The following UBP1 variants were observed in gnomAD, a reference collection of about 807,000 sequenced individuals.
UBP1 encodes the protein upstream-binding protein 1.
In UBP1, 22 loss-of-function variants were observed where a neutral mutation model predicts 76.1. The observed-to-expected ratio is 0.29, with a 90% CI of 0.21 to 0.41. The LOEUF (loss-of-function observed/expected upper bound fraction) is 0.41. Ranked by LOEUF, UBP1 falls within the 10% of genes least tolerant of loss-of-function variation. UBP1 has a pLI of 1.00. For synonymous variants in UBP1, 224 were observed against 237.1 expected (o/e 0.94, Z 0.51); for missense variants, 436 against 668.1 (o/e 0.65, Z 3.83).
In UBP1 at chr3:33,400,993, T is replaced by C; in HGVS notation, c.1055A>G (p.Gln352Arg). The change falls in exon 10 of 16, where the codon CAG becomes CGG. Residue 352 changes from glutamine (Q) to arginine (R), a missense_variant. This residue lies in a region of UBP1 where 210 missense variants were observed against 272.8 expected (regional missense o/e 0.77). Transcript: ENST00000283629. The stretch of plus-strand genomic sequence containing the variant: ...AGAGGTCTGTGAAGCTCCATCTCCC[T>C]GATGATTTGGGGAAGAAGAATTGCT... ...PDSNSSSPNHQGDGASQTSGE... is the reference protein window; with the variant it reads ...PDSNSSSPNHRGDGASQTSGE... The C allele has an allele frequency of 6.3e-7, 1 of 1,593,700 alleles. No individual in the cohort carries two copies. The highest frequency in any genetic ancestry group is 1.4e-5 in the African/African-American group (1 of 73,538).
intron 1 of UBP1, among the ~76,000 whole-genome samples, chr3:33,430,102 A>G (rs1444114601): frequency 6.6e-6 from 1 of 152,228 alleles, no homozygotes; most frequent in African/African-American, 2.4e-5. Context: ...AGGGGGGAAA[A>G]AAGTTGTCAG....
At chr3:33,438,853 C>T (rs150333267) in intron 1 of UBP1, among the ~76,000 whole-genome samples, 60 of 152,284 alleles carry the variant, frequency 3.9e-4, no homozygotes, top group African/African-American at 1.4e-3. Flanking sequence ...ACTTCCAAAA[C>T]ATCAGACATT....
At chr3:33,427,968 ATC>A in intron 1 of UBP1, among the ~76,000 whole-genome samples, 1 of 152,264 alleles carries the variant, frequency 6.6e-6, no homozygotes, top group East Asian at 1.9e-4. Flanking sequence ...GAGGTGGGTG[ATC>A]ACCTGAGGTC....
intron 3 of UBP1, 100 bp downstream of exon 3, chr3:33,416,658 T>C (rs1559684324): frequency 3.3e-6 from 3 of 909,270 alleles, no homozygotes; most frequent in Non-Finnish European, 3.3e-6. Flanking sequence ...GTTAAAAAGT[T>C]GTAATACAAC....
chr3:33,437,205 A>T (rs2045217846), intron 1 of UBP1, among the ~76,000 whole-genome samples: 1 of 152,042 alleles, frequency 6.6e-6, no homozygotes, highest in East Asian at 1.9e-4. Flanking sequence ...TTACCAGCCT[A>T]CATTATTTTA....
intron 8 of UBP1, among the ~76,000 whole-genome samples, chr3:33,405,221 T>TTC (rs2044385857): frequency 6.6e-6 from 1 of 152,108 alleles, no homozygotes; most frequent in Non-Finnish European, 1.5e-5. Context: ...GGCATAAAAC[T>TTC]ATGTCATATT....
At chr3:33,424,671 T>G (rs184252023) in intron 2 of UBP1, among the ~76,000 whole-genome samples, 150 of 152,364 alleles carry the variant, frequency 9.8e-4, no homozygotes, top group African/African-American at 3.6e-3. Context: ...AATTAATTCC[T>G]GCATTCAAAA....
Position 33,425,634 on chromosome 3 carries a change from G to A in UBP1, c.221C>T (p.Pro74Leu). Residue 74 changes from proline (P) to leucine (L), a missense_variant, in exon 2 of 16, where the codon CCA (proline) becomes CTA (leucine). Transcript: ENST00000283629. ...CGTTTCATCATGCAGTTTTACTGCT[G>A]GTGACGTTGCAGCACACATCACATA... ...FQYVMCAATS[P>L]AVKLHDETLT... is the part of the protein sequence containing the mutation. 6.3e-7 allele frequency: 1 copy of A among 1,586,854 alleles called. No individual in the cohort carries two copies. The highest frequency in any genetic ancestry group is 8.6e-7 in the Non-Finnish European group (1 of 1,159,690).
chr3:33,397,069 C>T lies in UBP1; in HGVS notation c.1247G>A (p.Arg416Gln). 2 of 1,601,780 alleles carry T rather than the reference C, an allele frequency of 1.2e-6. No individual in the cohort carries two copies. Among genetic ancestry groups the T allele is most frequent in the East Asian group, 2.2e-5 (1 of 44,670 alleles). The part of the protein sequence containing the change: ...VQICGAADGI[R>Q]LYNSLKSRSV... Reference sequence around the variant, plus strand: ...CCTTGACTTCAGTGAATTATAGAGCCGAATTCCATCGGCTGCACCACAAAT... The same window carrying T: ...CCTTGACTTCAGTGAATTATAGAGCTGAATTCCATCGGCTGCACCACAAAT... The change falls in exon 12 of 16, where the codon CGG becomes CAG. Residue 416 changes from arginine (R) to glutamine (Q), a missense_variant. Around this residue, in one of 3 missense-constraint regions of UBP1, gnomAD observed 210 missense variants for 272.8 expected, o/e 0.77. Transcript: ENST00000283629.
intron 7 of UBP1, 61 bp from the exon 8 acceptor site, chr3:33,408,858 C>A: frequency 7.2e-7 from 1 of 1,392,438 alleles, no homozygotes. Context: ...AGATCTAACA[C>A]CCTGTTTCAT....
chr3:33,399,761 C>T (rs565888171), intron 11 of UBP1, among the ~76,000 whole-genome samples: 1 of 152,166 alleles, frequency 6.6e-6, no homozygotes, highest in Non-Finnish European at 1.5e-5. Flanking sequence ...TATACCATAA[C>T]ATACGTTGTG....
chr3:33,438,490 T>C (rs1357540), intron 1 of UBP1, among the ~76,000 whole-genome samples: 39,297 of 152,088 alleles, frequency 0.26, 5,990 homozygotes, highest in East Asian at 0.47. Context: ...GTAGCTCAAT[T>C]TCCTCAACAA....
At chr3:33,436,189 C>G (rs2045202281) in intron 1 of UBP1, among the ~76,000 whole-genome samples, 1 of 152,156 alleles carries the variant, frequency 6.6e-6, no homozygotes, top group African/African-American at 2.4e-5. Context: ...GATGTTTTGA[C>G]ATATATACAC....
chr3:33,427,265 T>C (rs1456590055), intron 1 of UBP1, among the ~76,000 whole-genome samples: 2 of 152,246 alleles, frequency 1.3e-5, no homozygotes, highest in Admixed American at 6.5e-5. Context: ...ACGCCCCGCC[T>C]CTGTTTAACT....
intron 11 of UBP1, among the ~76,000 whole-genome samples, chr3:33,398,845 G>A (rs758805506): frequency 1.6e-4 from 25 of 152,144 alleles, no homozygotes; most frequent in Non-Finnish European, 2.2e-4. Context: ...ATACAACAGT[G>A]CAAGACAAAC....
At chr3:33,405,636 G>A (rs1464484629) in intron 8 of UBP1, among the ~76,000 whole-genome samples, 1 of 152,146 alleles carries the variant, frequency 6.6e-6, no homozygotes, top group Non-Finnish European at 1.5e-5. Context: ...GGATCAGCCT[G>A]AGGAACACAG....
chr3:33,428,643 T>C (rs2045061127), intron 1 of UBP1, among the ~76,000 whole-genome samples: 3 of 152,150 alleles, frequency 2.0e-5, no homozygotes, highest in Non-Finnish European at 4.4e-5. Flanking sequence ...AAAGATTATT[T>C]GCTATTGAAT....
intron 1 of UBP1, among the ~76,000 whole-genome samples, chr3:33,435,259 C>T (rs2045186737): frequency 6.6e-6 from 1 of 152,038 alleles, no homozygotes; most frequent in African/African-American, 2.4e-5. Context: ...GAAATTGCTT[C>T]ATGAAAAGAT....
At chr3:33,407,533 G>A (rs2044459730) in intron 8 of UBP1, among the ~76,000 whole-genome samples, 1 of 145,654 alleles carries the variant, frequency 6.9e-6, no homozygotes, top group Non-Finnish European at 1.5e-5. Context: ...AACAATCTTT[G>A]ATTCGAATTT....
Sources: allele counts gnomAD v4.1 joint callset (sites outside exome capture counted in the v4.1 genomes callset), GRCh38; gene constraint gnomAD v4.1.1; regional missense constraint gnomAD v4.1.1; transcripts MANE v1.5; gene names NCBI Gene and HGNC (gene_info 2026-07-23, HGNC 2026-07-21).